The following DMBT1 variants were observed in gnomAD, a reference collection of about 807,000 sequenced individuals.
The protein encoded by DMBT1 is scavenger receptor cysteine-rich domain-containing protein DMBT1.
In DMBT1, 198 loss-of-function variants were observed where a neutral mutation model predicts 252.9. That is an observed-to-expected ratio of 0.78 (90% confidence interval 0.70 to 0.88). The LOEUF is 0.88. DMBT1 is among the 40% of genes least tolerant of loss of function. The pLI, the probability that DMBT1 is intolerant of heterozygous loss-of-function variation, is 0.00. For missense variants in DMBT1, 2,432 were observed against 2,404.7 expected, an observed-to-expected ratio of 1.01 and a Z score of -0.24; for synonymous variants, 990 against 942.7, an observed-to-expected ratio of 1.05 and a Z score of -0.92.
chr10:122,592,606 A>C lies in DMBT1; in HGVS notation c.2500+11A>C. On this transcript the variant is annotated intron_variant, in intron 20 of 55. Coordinates refer to ENST00000338354, the MANE Select transcript of DMBT1 (RefSeq NM_001377530.1). ...GTGTCATCTGCTCAGGTGGGCCTCC[A>C]AGACCTTGGGCTCCCTCTCCTAGAC... The C allele has an allele frequency of 6.3e-7, 1 of 1,588,488 alleles. No homozygotes were observed. The highest frequency in any genetic ancestry group is 8.6e-7 in the Non-Finnish European group (1 of 1,165,658).
At chr10:122,639,639 A>G (rs1195872218) in intron 54 of DMBT1, among the ~76,000 whole-genome samples, 1 of 152,210 alleles carries the variant, frequency 6.6e-6, no homozygotes, top group Non-Finnish European at 1.5e-5. Context: ...ATCTGGATGT[A>G]TATGTGCAGG....
chr10:122,580,011 T>C (rs935529955), intron 10 of DMBT1, 110 bp downstream of exon 10: 66 of 1,550,980 alleles, frequency 4.3e-5, no homozygotes, highest in Non-Finnish European at 5.3e-5. Flanking sequence ...TTTCTATGTT[T>C]CTGAAGACTT....
chr10:122,638,863 T>C (rs1427730034), intron 54 of DMBT1, among the ~76,000 whole-genome samples: 1 of 152,256 alleles, frequency 6.6e-6, no homozygotes, highest in Non-Finnish European at 1.5e-5. Context: ...AGAGTTGATA[T>C]AGTATTATTA....
At chr10:122,571,879 G>A (rs1335531421) in intron 4 of DMBT1, among the ~76,000 whole-genome samples, 2 of 152,184 alleles carry the variant, frequency 1.3e-5, no homozygotes, top group Admixed American at 1.3e-4. Context: ...GTTTAGTTTT[G>A]CATTCTGAAA....
chr10:122,581,538 G>T lies in DMBT1; in HGVS notation c.1034-255G>T, dbSNP rs1306797658. Among the ~76,000 whole-genome samples the T allele has an allele frequency of 2.7e-5, 4 of 149,044 alleles. 1 individual carries two copies. Among genetic ancestry groups the T allele is most frequent in the African/African-American group, 1.0e-4 (4 of 39,322 alleles). ...TGCATCAGCAGATGTGGGATGGCAT[G>T]GTGGGGGCATCCTCTAACAGATAGA... On this transcript the variant is annotated intron_variant, in intron 11 of 55. Transcript: ENST00000338354.
chr10:122,623,038 T>C (rs1324525072), intron 44 of DMBT1, among the ~76,000 whole-genome samples: 1 of 152,178 alleles, frequency 6.6e-6, no homozygotes, highest in Non-Finnish European at 1.5e-5. Flanking sequence ...TGAAAGCTCT[T>C]ACCCCTTAAC....
intron 54 of DMBT1, 143 bp downstream of exon 54, chr10:122,637,455 C>A: frequency 2.0e-6 from 2 of 988,272 alleles, no homozygotes; most frequent in Non-Finnish European, 2.9e-6. Flanking sequence ...AGATAAAAAA[C>A]CTTTGGTGCT....
intron 6 of DMBT1, 94 bp downstream of exon 6, chr10:122,573,856 A>G: frequency 2.7e-6 from 4 of 1,504,756 alleles, no homozygotes; most frequent in Non-Finnish European, 3.7e-6. Flanking sequence ...GGGCATAGAA[A>G]GTAGGGTGCT....
intron 55 of DMBT1, 38 bp downstream of exon 55, chr10:122,640,487 C>T (rs769319053): frequency 6.4e-7 from 1 of 1,562,868 alleles, no homozygotes; most frequent in South Asian, 1.2e-5. Context: ...TAAACCTTTA[C>T]TTGATAACTC....
chr10:122,563,079 C>T (rs2981756), intron 1 of DMBT1, among the ~76,000 whole-genome samples: 102,055 of 152,010 alleles, frequency 0.67, 34,606 homozygotes, highest in East Asian at 0.77. Context: ...CAGAGCTTTG[C>T]GCTGGAAGTA....
chr10:122,634,280 C>T (rs998967754), intron 52 of DMBT1, among the ~76,000 whole-genome samples: 2 of 151,500 alleles, frequency 1.3e-5, no homozygotes, highest in African/African-American at 4.9e-5. Context: ...GGTATCTGCT[C>T]TGCATCCAAT....
Position 122,640,071 on chromosome 10 carries a change from T to A in DMBT1, c.6974T>A (p.Phe2325Tyr). The A allele has an allele frequency of 6.2e-7, 1 of 1,613,898 alleles. No individual in the cohort carries two copies. The highest frequency in any genetic ancestry group is 8.5e-7 in the Non-Finnish European group (1 of 1,179,866). The change falls in exon 55 of 56, where the codon TTC (phenylalanine) becomes TAC (tyrosine). Residue 2325 changes from phenylalanine (F) to tyrosine (Y), a missense_variant. By Grantham distance (22) the Phe-to-Tyr change is conservative. This residue lies in a region of DMBT1 where 1,162 missense variants were observed against 1,169.0 expected (regional missense o/e 0.99). Coordinates refer to ENST00000338354, the MANE Select transcript of DMBT1 (RefSeq NM_001377530.1). The stretch of plus-strand genomic sequence containing the variant: ...AATGACACCATCGACTATTCCAACT[T>A]CCTCACAGCAGCTGTCTCAGGTGGC... ...ADNDTIDYSNFLTAAVSGGII... is the reference protein window; with the variant it reads ...ADNDTIDYSNYLTAAVSGGII...
chr10:122,639,977 G>T, intron 54 of DMBT1, 63 bp from the exon 55 acceptor site: 4 of 1,556,590 alleles, frequency 2.6e-6, no homozygotes, highest in Non-Finnish European at 3.5e-6. Flanking sequence ...ACCCAAATCA[G>T]CTATGGGATT....
intron 7 of DMBT1, 68 bp downstream of exon 7, chr10:122,576,790 G>A (rs1258555751): frequency 6.3e-7 from 1 of 1,589,536 alleles, no homozygotes; most frequent in Non-Finnish European, 8.6e-7. Flanking sequence ...ACTTTGGGAG[G>A]ATGAGGTAGG....
At chr10:122,585,223 T>C (rs2097779186) in intron 14 of DMBT1, 48 bp from the exon 15 acceptor site, 4 of 1,576,120 alleles carry the variant, frequency 2.5e-6, no homozygotes, top group Non-Finnish European at 3.5e-6. Flanking sequence ...TTTTGGAGAT[T>C]TTCACCATCA....
Position 122,640,089 on chromosome 10 carries a change from C to T in DMBT1, c.6992C>T (p.Ser2331Leu), listed in dbSNP as rs1844253239. The T allele has an allele frequency of 6.2e-7, 1 of 1,614,074 alleles. No homozygotes were observed. Among genetic ancestry groups the T allele is most frequent in the Non-Finnish European group, 8.5e-7 (1 of 1,179,910 alleles). The change falls in exon 55 of 56, where the codon TCA becomes TTA. Residue 2331 changes from serine (S) to leucine (L), a missense_variant. Transcript: ENST00000338354. ...TCCAACTTCCTCACAGCAGCTGTCTCAGGTGGCATCATCAAGAGGAGGACA... is the reference window on the plus strand; with the variant it reads ...TCCAACTTCCTCACAGCAGCTGTCTTAGGTGGCATCATCAAGAGGAGGACA... ...DYSNFLTAAVSGGIIKRRTDL... is the reference protein window; with the variant it reads ...DYSNFLTAAVLGGIIKRRTDL...
chr10:122,592,271 G>A lies in DMBT1; in HGVS notation c.2177-1G>A. Reference sequence around the variant, plus strand: ...TAAAGGGTTCTTGTGTTCCCCTGTAGGATCTGAATCCAGTTTGACCCTGAG... The same window carrying A: ...TAAAGGGTTCTTGTGTTCCCCTGTAAGATCTGAATCCAGTTTGACCCTGAG... On this transcript the variant is annotated splice_acceptor_variant, in intron 19 of 55. Transcript: ENST00000338354. LOFTEE classifies it high-confidence loss of function. 1 of 1,586,706 alleles carries A rather than the reference G, an allele frequency of 6.3e-7. No homozygotes were observed. Among genetic ancestry groups the A allele is most frequent in the Non-Finnish European group, 8.6e-7 (1 of 1,165,430 alleles).
At chr10:122,570,278 C>A (rs2097649417) in intron 3 of DMBT1, 69 bp downstream of exon 3, 1 of 1,285,578 alleles carries the variant, frequency 7.8e-7, no homozygotes, top group South Asian at 1.2e-5. Flanking sequence ...ATCTCTGATC[C>A]AGAAGAGATG....
intron 40 of DMBT1, among the ~76,000 whole-genome samples, chr10:122,617,595 A>G (rs2098006385): frequency 6.6e-6 from 1 of 151,418 alleles, no homozygotes; most frequent in Admixed American, 6.6e-5. Flanking sequence ...GTGGGTGAAA[A>G]TTTCTGTCCC....
Sources: gnomAD v4.1 joint callset for allele counts (sites outside exome capture counted in the v4.1 genomes callset) on GRCh38, gnomAD v4.1.1 for gene constraint, gnomAD v4.1.1 regional missense constraint, MANE v1.5 for transcripts, NCBI Gene and HGNC (gene_info 2026-07-23, HGNC 2026-07-21) for gene names.